KCTD13: variants seen among roughly 807,000 people sequenced by gnomAD.
KCTD13 encodes BTB/POZ domain-containing adapter for CUL3-mediated RhoA degradation protein 1.
In KCTD13, 15 loss-of-function variants were observed where a neutral mutation model predicts 32.3. The observed-to-expected ratio is 0.46, with a 90% CI of 0.31 to 0.71. The LOEUF (loss-of-function observed/expected upper bound fraction) is 0.71, where lower values mean the gene tolerates loss of function less well. Ranked by LOEUF, KCTD13 falls within the 30% of genes least tolerant of loss-of-function variation. The pLI is 0.05. For missense variants in KCTD13, 337 were observed against 452.6 expected (o/e 0.74, Z 2.32); for synonymous variants, 189 against 200.1 (o/e 0.94, Z 0.47).
chr16:29,926,088 G>C lies in KCTD13; in HGVS notation c.-55C>G. 1 of 1,442,466 alleles carries C rather than the reference G, an allele frequency of 6.9e-7. No homozygotes were observed. The highest frequency in any genetic ancestry group is 9.0e-7 in the Non-Finnish European group (1 of 1,105,780). The allele number at this position is 1,442,466 out of a possible 1,614,324, so 89.4% of individuals were successfully genotyped here. ...AGGATCTCTCCGCGCCCTGCGGCCT[G>C]CTCCCGAAGACCCTCGGCCGGCCCC... On this transcript the variant is annotated 5_prime_UTR_variant, in exon 1 of 6. Transcript: ENST00000568000.
chr16:29,920,946 G>A (rs1030133404), intron 2 of KCTD13: 4 of 152,178 alleles, frequency 2.6e-5, no homozygotes, highest in African/African-American at 9.7e-5. Context: ...GATGCTCATG[G>A]TGACACGGTT....
In KCTD13 at chr16:29,906,895, G is replaced by A; in HGVS notation, c.967C>T (p.Gln323Ter). The A allele has an allele frequency of 6.2e-7, 1 of 1,614,066 alleles. No individual in the cohort carries two copies. The highest frequency in any genetic ancestry group is 8.5e-7 in the Non-Finnish European group (1 of 1,179,960). Residue 323 changes from glutamine to a stop codon, truncating the protein, a stop_gained, in exon 6 of 6, where the codon CAA (glutamine) becomes TAA (stop). Transcript: ENST00000568000. LOFTEE classifies it high-confidence loss of function. ...HITHDERPHG[Q>*]QIVFKD ...GGTCAGTCCTTGAAGACAATTTGTT[G>A]GCCATGAGGACGCTCGTCGTGGGTG...
Position 29,907,104 on chromosome 16 carries a change from T to C in KCTD13, c.758A>G (p.Glu253Gly). The change falls in exon 6 of 6, where the codon GAA (glutamate) becomes GGA (glycine). Residue 253 changes from glutamate (E) to glycine (G), a missense_variant. This residue lies in a region of KCTD13 where 252 missense variants were observed against 340.2 expected (regional missense o/e 0.74). Coordinates refer to ENST00000568000, the MANE Select transcript of KCTD13 (RefSeq NM_178863.5). ...CTCGAAGATCCGGGCCTCTGGAAAT[T>C]CCACCTGCAAAAGGCCAGCCGGCCC... ...YATEKKQTKV[E>G]FPEARIFEET... 6.2e-7 allele frequency: 1 copy of C among 1,601,624 alleles called. No individual in the cohort carries two copies. The highest frequency in any genetic ancestry group is 8.5e-7 in the Non-Finnish European group (1 of 1,171,630).
intron 1 of KCTD13, 95 bp downstream of exon 1, chr16:29,925,693 CAG>C: frequency 1.6e-6 from 2 of 1,218,644 alleles, no homozygotes; most frequent in Non-Finnish European, 2.3e-6. Flanking sequence ...CAGTAGCGGG[CAG>C]AGAGAAGGGG....
chr16:29,911,923 C>A, intron 3 of KCTD13, 37 bp downstream of exon 3: 1 of 1,606,516 alleles, frequency 6.2e-7, no homozygotes, highest in Non-Finnish European at 8.5e-7. Flanking sequence ...GAGGCCCCCC[C>A]AGTGAGCCTC....
intron 5 of KCTD13, among the ~76,000 whole-genome samples, chr16:29,909,426 T>C (rs1263218055): frequency 6.6e-6 from 1 of 152,164 alleles, no homozygotes; most frequent in African/African-American, 2.4e-5. Flanking sequence ...AGACTTGTGA[T>C]GACTGTGGTG....
Position 29,925,994 on chromosome 16 carries a change from G to A in KCTD13, c.40C>T (p.Pro14Ser). Residue 14 changes from proline to serine, a missense_variant, in exon 1 of 6, where the codon CCG becomes TCG. Physicochemically the swap from Pro to Ser is moderately conservative, Grantham distance 74. Transcript: ENST00000568000. ...EASGPAAAAAPSLEAPKPSGL... is the reference protein window; with the variant it reads ...EASGPAAAAASSLEAPKPSGL... The stretch of plus-strand genomic sequence containing the variant: ...GAGGGCTTGGGGGCTTCCAGGGACG[G>A]GGCCGCGGCGGCAGCCGGGCCCGAG... The A allele has an allele frequency of 6.3e-7, 1 of 1,590,668 alleles. No individual in the cohort carries two copies. Among genetic ancestry groups the A allele is most frequent in the Non-Finnish European group, 8.5e-7 (1 of 1,169,958 alleles).
At chr16:29,922,717 T>A (rs1453791380) in intron 2 of KCTD13, 43 of 281,004 alleles carry the variant, frequency 1.5e-4, no homozygotes, top group East Asian at 2.9e-4. Context: ...TTTCACTGTT[T>A]AAAAAAAAAA....
At chr16:29,913,330 A>C (rs2068750301) in intron 2 of KCTD13, 1 of 152,206 alleles carries the variant, frequency 6.6e-6, no homozygotes, top group African/African-American at 2.4e-5. Context: ...TGAGAACGGT[A>C]TCAGTTCGGG....
At chr16:29,908,747 G>T (rs1409046050) in intron 5 of KCTD13, among the ~76,000 whole-genome samples, 1 of 150,300 alleles carries the variant, frequency 6.7e-6, no homozygotes. Context: ...CTGTTGCCTA[G>T]GCTGGAGTGC....
chr16:29,908,688 T>G (rs12447999), intron 5 of KCTD13, among the ~76,000 whole-genome samples: 4 of 150,306 alleles, frequency 2.7e-5, no homozygotes, highest in Admixed American at 2.0e-4. Flanking sequence ...CCGGCCTTTT[T>G]TTTTTTTTTT....
chr16:29,912,254 A>C, intron 2 of KCTD13: 1 of 598,234 alleles, frequency 1.7e-6, no homozygotes, highest in Non-Finnish European at 2.9e-6. Context: ...TGCTTCACAC[A>C]TCCAGCTTGT....
At chr16:29,911,918 C>A (rs376279935) in intron 3 of KCTD13, 42 bp downstream of exon 3, 3 of 1,606,956 alleles carry the variant, frequency 1.9e-6, no homozygotes, top group Non-Finnish European at 2.6e-6. Context: ...AGGGAGAGGC[C>A]CCCCCAGTGA....
intron 5 of KCTD13, among the ~76,000 whole-genome samples, chr16:29,908,379 T>A (rs186478731): frequency 1.3e-3 from 200 of 152,208 alleles, no homozygotes; most frequent in East Asian, 2.5e-3. Context: ...TTTAATTTTT[T>A]ATTTTTATTT....
intron 4 of KCTD13, chr16:29,911,385 C>G (rs2068706210): frequency 1.7e-6 from 1 of 578,696 alleles, no homozygotes; most frequent in Admixed American, 3.2e-5. Context: ...CACAGCACAG[C>G]AGCTCCAGTG....
At chr16:29,923,754 C>T (rs1363536045) in intron 1 of KCTD13, among the ~76,000 whole-genome samples, 2 of 150,162 alleles carry the variant, frequency 1.3e-5, no homozygotes, top group African/African-American at 2.5e-5. Context: ...CGGGGGGGGG[C>T]GAGGCAGGAG....
Position 29,906,563 on chromosome 16 carries a change from T to C in KCTD13, c.*309A>G. On this transcript the variant is annotated 3_prime_UTR_variant, in exon 6 of 6. Coordinates refer to ENST00000568000, the MANE Select transcript of KCTD13 (RefSeq NM_178863.5). ...GGGCCGCACACTTTGGCATGGACGA[T>C]GCACTAAAAAAAGAGAAAGGGAATT... 1.9e-6 allele frequency: 1 copy of C among 519,160 alleles called. No individual in the cohort carries two copies. The highest frequency in any genetic ancestry group is 3.7e-6 in the Non-Finnish European group (1 of 267,724). The allele number at this position is 519,160 out of a possible 1,614,324, so 32.2% of individuals were successfully genotyped here.
intron 4 of KCTD13, 93 bp downstream of exon 4, chr16:29,911,722 G>T: frequency 7.4e-7 from 1 of 1,352,460 alleles, no homozygotes; most frequent in Non-Finnish European, 1.0e-6. Flanking sequence ...GTTCTTGTAG[G>T]CCCCCCGTGT....
chr16:29,911,301 C>T (rs2068704410), intron 4 of KCTD13, 128 bp from the exon 5 acceptor site: 3 of 721,310 alleles, frequency 4.2e-6, no homozygotes, highest in Admixed American at 5.5e-5. Flanking sequence ...AACAGAGAGC[C>T]TCCTCCACCC....
Sources: allele counts gnomAD v4.1 joint callset (sites outside exome capture counted in the v4.1 genomes callset), GRCh38; gene constraint gnomAD v4.1.1; regional missense constraint gnomAD v4.1.1; transcripts MANE v1.5; gene names NCBI Gene and HGNC (gene_info 2026-07-23, HGNC 2026-07-21).